Variants in ENPEP observed in about 807,000 individuals in gnomAD.
ENPEP encodes AP-A.
In ENPEP, 103 loss-of-function variants were observed where a neutral mutation model predicts 114.5. The ratio of observed to expected loss-of-function variants is 0.90; its 90% CI spans 0.77 to 1.06. The LOEUF is 1.06. Among genes scored for constraint, ENPEP ranks in the 50% least tolerant of loss-of-function variants. The probability of loss-of-function intolerance (pLI) is 0.00; values close to 1 mark genes in which losing one functional copy is unlikely to be tolerated. For synonymous variants in ENPEP, 420 were observed against 422.0 expected, an observed-to-expected ratio of 1.00 and a Z score of 0.06; for missense variants, 1,196 against 1,161.3, an observed-to-expected ratio of 1.03 and a Z score of -0.43.
intron 11 of ENPEP, among the ~76,000 whole-genome samples, chr4:110,539,183 T>A (rs1017799867): frequency 1.3e-5 from 2 of 152,162 alleles, no homozygotes; most frequent in African/African-American, 2.4e-5. Context: ...AACCTTCAAT[T>A]TGTAAAAAAT....
intron 1 of ENPEP, among the ~76,000 whole-genome samples, chr4:110,481,027 A>G (rs879302321): frequency 1.4e-4 from 21 of 152,118 alleles, no homozygotes; most frequent in African/African-American, 2.4e-4. Context: ...TCCAAAGTAT[A>G]TATTTTCTTC....
intron 4 of ENPEP, among the ~76,000 whole-genome samples, chr4:110,507,761 A>AGCT (rs1349223432): frequency 6.6e-6 from 1 of 152,212 alleles, no homozygotes; most frequent in Non-Finnish European, 1.5e-5. Context: ...GGATCGCTTG[A>AGCT]GCCCAGAGGT....
At chr4:110,558,032 ATTTTT>A (rs201439917) in intron 18 of ENPEP, among the ~76,000 whole-genome samples, 3 of 103,204 alleles carry the variant, frequency 2.9e-5, no homozygotes, top group African/African-American at 4.3e-5. Context: ...ATATGGTAGG[ATTTTT>A]TTTTTTTTTT....
At chr4:110,520,901 A>G (rs1214014744) in intron 10 of ENPEP, among the ~76,000 whole-genome samples, 1 of 152,092 alleles carries the variant, frequency 6.6e-6, no homozygotes, top group African/African-American at 2.4e-5. Context: ...GCCACCTACC[A>G]TTTCTTTCTC....
intron 10 of ENPEP, among the ~76,000 whole-genome samples, chr4:110,526,782 G>A (rs888084992): frequency 1.3e-5 from 2 of 152,150 alleles, no homozygotes; most frequent in African/African-American, 4.8e-5. Flanking sequence ...ATTGCAATGA[G>A]CAGCCCACGT....
intron 3 of ENPEP, among the ~76,000 whole-genome samples, chr4:110,491,662 T>C (rs1375970896): frequency 6.6e-6 from 1 of 151,852 alleles, no homozygotes; most frequent in Non-Finnish European, 1.5e-5. Flanking sequence ...TGATAAAATA[T>C]AAATAAGCTT....
rs145399465 is a variant in ENPEP at position 110,496,542 on chromosome 4, A to G, written c.918+5378A>G. ...TTACTTGGATTTCACCAGTTTTTTC[A>G]CTAATGTGCCTTTTCTATTCCAAAA... On this transcript the variant is annotated intron_variant, in intron 3 of 19. Transcript: ENST00000265162. Among the ~76,000 whole-genome samples, 3 of 152,322 alleles carry G rather than the reference A, an allele frequency of 2.0e-5. 1 individual carries two copies. The highest frequency in any genetic ancestry group is 7.2e-5 in the African/African-American group (3 of 41,568).
chr4:110,541,979 T>G (rs528579233), intron 11 of ENPEP, among the ~76,000 whole-genome samples: 48 of 152,272 alleles, frequency 3.2e-4, no homozygotes, highest in Non-Finnish European at 5.1e-4. Context: ...AGCCTTGGGC[T>G]TCTAAAATCT....
chr4:110,561,390 C>G lies in ENPEP; in HGVS notation c.2722-16C>G, dbSNP rs183900221. On this transcript the variant is annotated splice_polypyrimidine_tract_variant and intron_variant, in intron 19 of 19. Coordinates refer to ENST00000265162, the MANE Select transcript of ENPEP (RefSeq NM_001977.4). Reference sequence around the variant, plus strand: ...GCTATAAATGACAATCCTAATTACTCCCCTCTCTTTTCTAGATGGAGAGCT... The same window carrying G: ...GCTATAAATGACAATCCTAATTACTGCCCTCTCTTTTCTAGATGGAGAGCT... 1.9e-6 allele frequency: 3 copies of G among 1,611,814 alleles called. No individual in the cohort carries two copies. The Admixed American group carries it at 5.1e-5, about 27-fold the overall frequency.
At chr4:110,516,473 C>T (rs894544576) in intron 8 of ENPEP, among the ~76,000 whole-genome samples, 1 of 152,188 alleles carries the variant, frequency 6.6e-6, no homozygotes, top group African/African-American at 2.4e-5. Context: ...TACATCCTGC[C>T]TGCTGCGATA....
intron 3 of ENPEP, among the ~76,000 whole-genome samples, chr4:110,504,488 G>T (rs529987958): frequency 6.6e-6 from 1 of 152,246 alleles, no homozygotes; most frequent in African/African-American, 2.4e-5. Flanking sequence ...GGAATGTTCA[G>T]CCAGGGGATG....
intron 17 of ENPEP, among the ~76,000 whole-genome samples, chr4:110,551,394 CT>C (rs1217455268): frequency 6.6e-6 from 1 of 152,082 alleles, no homozygotes; most frequent in Non-Finnish European, 1.5e-5. Flanking sequence ...ACTTAGTAAA[CT>C]TTTTTTAAAT....
Position 110,548,170 on chromosome 4 carries a change from T to TTTTTCAAA in ENPEP, c.2001-6_2001-5insTTTTCAAA. Reference sequence around the variant, plus strand: ...TTTTTTTTTTTTTTTTTTTTGTCTTTCTCAGAGCTCAACTTCTAGATTATA... The same window carrying TTTTTCAAA: ...TTTTTTTTTTTTTTTTTTTTGTCTTTTTTTCAAACTCAGAGCTCAACTTCTAGATTATA... On this transcript the variant is annotated splice_region_variant and splice_polypyrimidine_tract_variant and intron_variant, in intron 13 of 19. Coordinates refer to ENST00000265162, the MANE Select transcript of ENPEP (RefSeq NM_001977.4). 1 of 1,183,974 alleles carries TTTTTCAAA rather than the reference T, an allele frequency of 8.4e-7. No individual in the cohort carries two copies. Among genetic ancestry groups the TTTTTCAAA allele is most frequent in the Non-Finnish European group, 1.1e-6 (1 of 885,430 alleles). The allele number at this position is 1,183,974 out of a possible 1,614,324, so 73.3% of individuals were successfully genotyped here.
rs1203853623 is a variant in ENPEP, at chr4:110,564,728, T to C, written c.*3170T>C. The C allele has an allele frequency of 6.6e-6, 1 of 152,232 alleles. No individual in the cohort carries two copies. Among genetic ancestry groups the C allele is most frequent in the Non-Finnish European group, 1.5e-5 (1 of 68,044 alleles). 9.4% of individuals were successfully genotyped at this position (152,232 alleles called of 1,614,324 possible). On this transcript the variant is annotated 3_prime_UTR_variant, in exon 20 of 20. Coordinates refer to ENST00000265162, the MANE Select transcript of ENPEP (RefSeq NM_001977.4). Reference sequence around the variant, plus strand: ...GAGGATTCTATATCCTACCCCATTGTAGTCTAGCATGGTATGTGACTTGCT... The same window carrying C: ...GAGGATTCTATATCCTACCCCATTGCAGTCTAGCATGGTATGTGACTTGCT...
intron 11 of ENPEP, among the ~76,000 whole-genome samples, chr4:110,531,527 C>A (rs1188332936): frequency 6.6e-6 from 1 of 152,104 alleles, no homozygotes; most frequent in Non-Finnish European, 1.5e-5. Flanking sequence ...AGAAGGGTCG[C>A]ATGCCCAACA....
At chr4:110,543,523 T>A (rs1330027878) in intron 13 of ENPEP, among the ~76,000 whole-genome samples, 1 of 152,052 alleles carries the variant, frequency 6.6e-6, no homozygotes, top group Admixed American at 6.6e-5. Flanking sequence ...CTATGGTGCT[T>A]TAGAACTGAT....
intron 11 of ENPEP, among the ~76,000 whole-genome samples, chr4:110,540,803 G>C (rs996052474): frequency 1.3e-5 from 2 of 152,098 alleles, no homozygotes; most frequent in Admixed American, 6.6e-5. Context: ...CCATCTGTTG[G>C]ATACGTAGCA....
chr4:110,509,681 T>C lies in ENPEP; in HGVS notation c.1068T>C (p.Thr356=), dbSNP rs762393418. Reference sequence around the variant, plus strand: ...AAATCGCTATTCCAGATTTTGGCACTGGTGCCATGGAGAACTGGGGACTCA... The same window carrying C: ...AAATCGCTATTCCAGATTTTGGCACCGGTGCCATGGAGAACTGGGGACTCA... The part of the protein sequence containing the change: ...LDKIAIPDFG[T]GAMENWGLIT... The change falls in exon 5 of 20, where the codon ACT becomes ACC. Residue 356 remains threonine, a synonymous_variant. Transcript: ENST00000265162. 6.2e-7 allele frequency: 1 copy of C among 1,613,398 alleles called. No individual in the cohort carries two copies. Among genetic ancestry groups the C allele is most frequent in the Non-Finnish European group, 8.5e-7 (1 of 1,179,852 alleles).
chr4:110,509,923 C>A, intron 5 of ENPEP, 116 bp downstream of exon 5: 1 of 1,333,158 alleles, frequency 7.5e-7, no homozygotes, highest in Non-Finnish European at 1.0e-6. Context: ...GAAAAACTTG[C>A]ATGAAAATCT....
Sources: gnomAD v4.1 joint callset for allele counts (sites outside exome capture counted in the v4.1 genomes callset) on GRCh38, gnomAD v4.1.1 for gene constraint, MANE v1.5 for transcripts, NCBI Gene and HGNC (gene_info 2026-07-23, HGNC 2026-07-21) for gene names.